KCNMA1: variants seen among roughly 807,000 people sequenced by gnomAD.
KCNMA1 encodes potassium calcium-activated channel subfamily M alpha 1.
A neutral mutation model predicts 140.0 loss-of-function variants in KCNMA1; 29 were observed. The observed-to-expected ratio is 0.21, with a 90% confidence interval of 0.15 to 0.28. KCNMA1 has a LOEUF of 0.28. Ranked by LOEUF, KCNMA1 falls within the 10% of genes least tolerant of loss-of-function variation. The pLI, the probability that KCNMA1 is intolerant of heterozygous loss-of-function variation, is 1.00. For synonymous variants in KCNMA1, 612 were observed against 611.9 expected (o/e 1.00, Z 0.00); for missense variants, 880 against 1,602.2 (o/e 0.55, Z 7.70).
chr10:77,412,706 G>A (rs939429395), intron 1 of KCNMA1, among the ~76,000 whole-genome samples: 4 of 152,190 alleles, frequency 2.6e-5, no homozygotes, highest in African/African-American at 4.8e-5. Flanking sequence ...CCCGGACCCC[G>A]CGGAAATAAA....
At chr10:77,511,852 G>C (rs180880558) in intron 1 of KCNMA1, among the ~76,000 whole-genome samples, 1 of 152,292 alleles carries the variant, frequency 6.6e-6, no homozygotes, top group East Asian at 1.9e-4. Flanking sequence ...ATTAGAGAAA[G>C]TGGGGAAATA....
intron 5 of KCNMA1, among the ~76,000 whole-genome samples, chr10:77,151,151 CTTTCT>C (rs1017271806): frequency 6.1e-5 from 9 of 148,432 alleles, no homozygotes; most frequent in Non-Finnish European, 7.5e-5. Flanking sequence ...TTCTTTCTTT[CTTTCT>C]TTTCTTTTCT....
chr10:77,467,951 G>A (rs1309093102), intron 1 of KCNMA1, among the ~76,000 whole-genome samples: 5 of 152,158 alleles, frequency 3.3e-5, no homozygotes, highest in Non-Finnish European at 5.9e-5. Context: ...TGCAAATTAA[G>A]TATTATCCTT....
intron 23 of KCNMA1, among the ~76,000 whole-genome samples, chr10:76,940,178 G>A (rs2061593470): frequency 6.6e-6 from 1 of 152,192 alleles, no homozygotes; most frequent in Non-Finnish European, 1.5e-5. Flanking sequence ...CATCTGGCTT[G>A]GGATATGCCA....
chr10:77,523,816 G>C (rs1479079372), intron 1 of KCNMA1, among the ~76,000 whole-genome samples: 1 of 152,190 alleles, frequency 6.6e-6, no homozygotes, highest in Non-Finnish European at 1.5e-5. Context: ...TGGCGGATTG[G>C]AGGGGAGGCA....
At chr10:77,112,546 A>G in intron 6 of KCNMA1, 104 bp from the exon 7 acceptor site, 1 of 770,200 alleles carries the variant, frequency 1.3e-6, no homozygotes, top group African/African-American at 1.7e-5. Flanking sequence ...AGGCTGCCAC[A>G]TCTAACTCCC....
intron 1 of KCNMA1, among the ~76,000 whole-genome samples, chr10:77,431,681 TAAAAAAAAAAAAAAAA>T (rs71028276): frequency 0.036 from 2,708 of 75,704 alleles, 84 homozygotes; most frequent in South Asian, 0.1. Flanking sequence ...TGGTCTGTTG[TAAAAAAAAAAAAAAAA>T]AAAAAAAAAA....
chr10:77,346,947 T>C (rs771734275), intron 2 of KCNMA1, among the ~76,000 whole-genome samples: 4 of 151,962 alleles, frequency 2.6e-5, no homozygotes, highest in Non-Finnish European at 5.9e-5. Flanking sequence ...AAGCACAGAG[T>C]CTGCAAGCAG....
chr10:77,067,393 T>G (rs2095995593), intron 14 of KCNMA1, among the ~76,000 whole-genome samples: 1 of 152,220 alleles, frequency 6.6e-6, no homozygotes, highest in Non-Finnish European at 1.5e-5. Flanking sequence ...CTATACCATC[T>G]TCTTTCCTGG....
intron 18 of KCNMA1, among the ~76,000 whole-genome samples, chr10:77,011,384 C>T (rs1452949406): frequency 1.3e-5 from 2 of 152,122 alleles, no homozygotes; most frequent in Non-Finnish European, 2.9e-5. Context: ...CCCCAAAGAG[C>T]GATGATGCTT....
chr10:77,304,207 G>A (rs1370543269), intron 2 of KCNMA1, among the ~76,000 whole-genome samples: 3 of 152,224 alleles, frequency 2.0e-5, no homozygotes, highest in African/African-American at 4.8e-5. Context: ...ATACCCTGCA[G>A]GTGTCTTCCT....
intron 12 of KCNMA1, among the ~76,000 whole-genome samples, chr10:77,083,020 T>C (rs957225628): frequency 6.6e-6 from 1 of 152,166 alleles, no homozygotes; most frequent in Non-Finnish European, 1.5e-5. Context: ...ATTGTCAGGA[T>C]GTAAAGGTAA....
chr10:77,158,942 CA>C (rs1268098655), intron 5 of KCNMA1, among the ~76,000 whole-genome samples: 4 of 152,196 alleles, frequency 2.6e-5, no homozygotes, highest in Non-Finnish European at 2.9e-5. Context: ...TAACCTTGAG[CA>C]ACGGCACACC....
At chr10:77,208,917 A>G (rs977101245) in intron 3 of KCNMA1, among the ~76,000 whole-genome samples, 2 of 152,200 alleles carry the variant, frequency 1.3e-5, no homozygotes, top group African/African-American at 2.4e-5. Context: ...CCTGGGGAAC[A>G]TGCTGAGCAA....
chr10:77,499,403 GTATATA>G (rs71028280), intron 1 of KCNMA1, among the ~76,000 whole-genome samples: 1 of 142,416 alleles, frequency 7.0e-6, no homozygotes, highest in African/African-American at 2.6e-5. Flanking sequence ...CAGTAGGCAT[GTATATA>G]TATATATATA....
intron 2 of KCNMA1, among the ~76,000 whole-genome samples, chr10:77,372,373 C>T (rs1432227679): frequency 1.3e-5 from 2 of 152,170 alleles, no homozygotes; most frequent in African/African-American, 2.4e-5. Flanking sequence ...ATGGAAAGTG[C>T]CTTACTTTTT....
chr10:77,073,383 G>A (rs1001189684), intron 13 of KCNMA1, 131 bp from the exon 14 acceptor site: 67 of 903,366 alleles, frequency 7.4e-5, no homozygotes, highest in East Asian at 7.3e-4. Flanking sequence ...CCCTTGCTGC[G>A]GTCTGATGTT....
intron 26 of KCNMA1, 63 bp from the exon 27 acceptor site, chr10:76,889,632 G>T: frequency 7.6e-7 from 1 of 1,309,882 alleles, no homozygotes. Context: ...TCAAGGGACA[G>T]CAGGGAAACG....
At chr10:77,058,807 G>A (rs1003288561) in intron 14 of KCNMA1, among the ~76,000 whole-genome samples, 2 of 151,910 alleles carry the variant, frequency 1.3e-5, no homozygotes, top group Non-Finnish European at 2.9e-5. Context: ...CAAAAAAGAA[G>A]AGTCTCAAAT....
Sources: allele counts gnomAD v4.1 joint callset (sites outside exome capture counted in the v4.1 genomes callset), GRCh38; gene constraint gnomAD v4.1.1; transcripts MANE v1.5; gene names NCBI Gene and HGNC (gene_info 2026-07-23, HGNC 2026-07-21).